SYAP1: variants seen among roughly 807,000 people sequenced by gnomAD.
SYAP1 encodes the protein synapse-associated protein 1.
Under a neutral mutation model 29.6 loss-of-function variants are expected in SYAP1, and 3 were observed. The observed-to-expected ratio is 0.10, with a 90% CI of 0.05 to 0.26. The LOEUF (loss-of-function observed/expected upper bound fraction) is 0.26, where lower values mean the gene tolerates loss of function less well. Among genes scored for constraint, SYAP1 ranks in the 10% least tolerant of loss-of-function variants. The pLI is 1.00. For missense variants in SYAP1, 217 were observed against 264.1 expected (o/e 0.82, Z 1.24); for synonymous variants, 102 against 102.7 (o/e 0.99, Z 0.04).
intron 1 of SYAP1, among the ~76,000 whole-genome samples, chrX:16,730,539 T>G (rs1029261386): frequency 8.9e-6 from 1 of 112,467 alleles, no homozygotes; most frequent in African/African-American, 3.2e-5. Context: ...TTCCAGCATC[T>G]AACTCCATGT....
chrX:16,722,953 A>C (rs1925999086), intron 1 of SYAP1, among the ~76,000 whole-genome samples: 2 of 112,661 alleles, frequency 1.8e-5, no homozygotes, highest in Non-Finnish European at 3.7e-5. Flanking sequence ...TGTACTTCTG[A>C]GAATGTTAAA....
intron 1 of SYAP1, among the ~76,000 whole-genome samples, chrX:16,724,203 TCA>T (rs1926031499): frequency 9.0e-6 from 1 of 110,508 alleles, no homozygotes; most frequent in Non-Finnish European, 1.9e-5. Context: ...CACAGTAGAG[TCA>T]CACAGGACGT....
intron 5 of SYAP1, among the ~76,000 whole-genome samples, chrX:16,753,139 G>A (rs892870800): frequency 9.2e-6 from 1 of 108,830 alleles, no homozygotes; most frequent in African/African-American, 3.4e-5. Flanking sequence ...AGCTACTCAG[G>A]AGGCTGAGGC....
At chrX:16,752,929 A>C (rs1926768226) in intron 5 of SYAP1, among the ~76,000 whole-genome samples, 2 of 111,162 alleles carry the variant, frequency 1.8e-5, no homozygotes. Flanking sequence ...AATGGTCTGT[A>C]ATTTTGATGC....
chrX:16,755,489 C>T (rs1926823553), intron 6 of SYAP1, among the ~76,000 whole-genome samples: 1 of 109,406 alleles, frequency 9.1e-6, no homozygotes. Context: ...CTCTCTCAAA[C>T]ATCCGTCATC....
intron 3 of SYAP1, chrX:16,736,501 TC>T (rs1926331336): frequency 8.2e-6 from 2 of 244,207 alleles, no homozygotes; most frequent in Non-Finnish European, 1.5e-5. Flanking sequence ...GTTCTGACTT[TC>T]TCTTTTCTTT....
rs962006916 is a variant in SYAP1, at chrX:16,764,644, G to A, written c.*4285G>A. On this transcript the variant is annotated 3_prime_UTR_variant, in exon 9 of 9. Transcript: ENST00000380155. ...CTCAAAGTGCTGGGATTACAGGCAT[G>A]AGCCACCATGCCCAGCCAGTTTTTC... The A allele has an allele frequency of 2.7e-5, 3 of 110,917 alleles. No homozygotes were observed. The highest frequency in any genetic ancestry group is 3.8e-5 in the Non-Finnish European group (2 of 53,047). The allele number at this position is 110,917 out of a possible 1,213,427, so 9.1% of individuals were successfully genotyped here.
chrX:16,756,682 G>A lies in SYAP1; in HGVS notation c.744G>A (p.Thr248=), dbSNP rs767597005. The A allele has an allele frequency of 1.5e-5, 18 of 1,209,374 alleles. No individual in the cohort carries two copies. Among genetic ancestry groups the A allele is most frequent in the African/African-American group, 3.5e-5 (2 of 57,199 alleles). The part of the protein sequence containing the change: ...LPLAEAVRPK[T]PPVVIKSQLK... Reference sequence around the variant, plus strand: ...TCTTAGAGGCAGTACGGCCCAAAACGCCACCCGTTGTAATCAAATCTCAGC... The same window carrying A: ...TCTTAGAGGCAGTACGGCCCAAAACACCACCCGTTGTAATCAAATCTCAGC... The change falls in exon 7 of 9, where the codon ACG becomes ACA. Residue 248 remains threonine (T), a synonymous_variant. Transcript: ENST00000380155.
chrX:16,742,462 G>A (rs955512265), intron 4 of SYAP1, among the ~76,000 whole-genome samples: 1 of 109,574 alleles, frequency 9.1e-6, no homozygotes, highest in Non-Finnish European at 1.9e-5. Flanking sequence ...TAATTTTTGT[G>A]TTTTCAGTAG....
intron 5 of SYAP1, among the ~76,000 whole-genome samples, chrX:16,752,045 T>C (rs939617401): frequency 2.0e-5 from 2 of 99,426 alleles, no homozygotes; most frequent in African/African-American, 3.8e-5. Flanking sequence ...AGTGGTGCGA[T>C]CTTGGCTCAC....
chrX:16,728,192 T>C (rs1161742809), intron 1 of SYAP1, among the ~76,000 whole-genome samples: 2 of 111,195 alleles, frequency 1.8e-5, no homozygotes, highest in East Asian at 5.7e-4. Context: ...ATCACTCCAG[T>C]CTCCTATTCA....
chrX:16,720,198 GT>G (rs1925928947), intron 1 of SYAP1, among the ~76,000 whole-genome samples: 1 of 112,291 alleles, frequency 8.9e-6, no homozygotes, highest in Non-Finnish European at 1.9e-5. Context: ...ACGTCTTCAG[GT>G]TTGACAAGGA....
chrX:16,736,509 C>G, intron 3 of SYAP1: 1 of 214,609 alleles, frequency 4.7e-6, no homozygotes, highest in Non-Finnish European at 8.5e-6. Context: ...TTTCTCTTTT[C>G]TTTTCCCCCA....
intron 1 of SYAP1, among the ~76,000 whole-genome samples, chrX:16,732,726 G>A (rs1434780337): frequency 8.9e-6 from 1 of 112,062 alleles, no homozygotes; most frequent in African/African-American, 3.2e-5. Flanking sequence ...AAGTAGAGTA[G>A]TCATAACTAA....
At position 16,755,072 on chromosome X, in the gene SYAP1, G is replaced by C. The variant is rs767401086; in HGVS notation, c.703G>C (p.Glu235Gln). 4 of 1,211,808 alleles carry C rather than the reference G, an allele frequency of 3.3e-6. No homozygotes were observed. The highest frequency in any genetic ancestry group is 1.8e-5 in the South Asian group (1 of 56,992). ...AGKEEKSNGR[E>Q]QDLPLAEAVR... ...GAAGGAGGAGAAGAGCAATGGCAGA[G>C]AGCAAGATTTGCCGCTGGCAGGTAT... The change falls in exon 6 of 9, where the codon GAG (glutamate) becomes CAG (glutamine). Residue 235 changes from glutamate (E) to glutamine (Q), a missense_variant. By Grantham distance (29) the Glu-to-Gln change is conservative. Coordinates refer to ENST00000380155, the MANE Select transcript of SYAP1 (RefSeq NM_032796.4).
intron 1 of SYAP1, among the ~76,000 whole-genome samples, chrX:16,733,394 G>A (rs1236264684): frequency 1.8e-5 from 2 of 111,520 alleles, no homozygotes; most frequent in African/African-American, 6.5e-5. Context: ...TTTCCTGGAA[G>A]TAATACCACC....
At chrX:16,725,417 C>T (rs778611381) in intron 1 of SYAP1, among the ~76,000 whole-genome samples, 9 of 111,894 alleles carry the variant, frequency 8.0e-5, no homozygotes, top group Admixed American at 2.9e-4. Flanking sequence ...GAGGCCAAGG[C>T]GGGTGGGTTG....
In SYAP1 at chrX:16,764,349, A is replaced by ACTTTTTTTCTTT. The variant is rs1226838899; in HGVS notation, c.*3998_*3999insCTTTCTTTTTTT. ...TAATTTTAGCAAATTTAGTTTTTCA[A>ACTTTTTTTCTTT]CTTTTTTTTTTTTCTTTTTTTTTTT... On this transcript the variant is annotated 3_prime_UTR_variant, in exon 9 of 9. Transcript: ENST00000380155. 1 of 98,875 alleles carries ACTTTTTTTCTTT rather than the reference A, an allele frequency of 1.0e-5. No individual in the cohort carries two copies. The highest frequency in any genetic ancestry group is 2.0e-5 in the Non-Finnish European group (1 of 50,353). The allele number at this position is 98,875 out of a possible 1,213,427, so 8.1% of individuals were successfully genotyped here.
chrX:16,733,356 G>C (rs1230822199), intron 1 of SYAP1, among the ~76,000 whole-genome samples: 1 of 111,315 alleles, frequency 9.0e-6, no homozygotes, highest in African/African-American at 3.3e-5. Context: ...AATATTACTG[G>C]CTCCCAGACA....
Sources: gnomAD v4.1 joint callset for allele counts (sites outside exome capture counted in the v4.1 genomes callset) on GRCh38, gnomAD v4.1.1 for gene constraint, MANE v1.5 for transcripts, NCBI Gene and HGNC (gene_info 2026-07-23, HGNC 2026-07-21) for gene names.